Variants in ANKMY1 observed in about 807,000 individuals in gnomAD.
ANKMY1 encodes the protein ankyrin repeat and MYND domain containing 1.
A neutral mutation model predicts 102.0 loss-of-function variants in ANKMY1; 98 were observed. The observed-to-expected ratio is 0.96, with a 90% CI of 0.82 to 1.14. The LOEUF (loss-of-function observed/expected upper bound fraction) is 1.14. Among genes scored for constraint, ANKMY1 ranks in the 50% most tolerant of loss-of-function variants. The probability of loss-of-function intolerance (pLI) is 0.00; values close to 1 mark genes in which losing one functional copy is unlikely to be tolerated. For synonymous variants in ANKMY1, 582 were observed against 559.9 expected (o/e 1.04, Z -0.56); for missense variants, 1,330 against 1,347.6 (o/e 0.99, Z 0.20).
rs1312024529 is a variant in ANKMY1, at chr2:240,539,133, T to C, written c.481-9624A>G. Among the ~76,000 whole-genome samples, 4 of 152,140 alleles carry C rather than the reference T, an allele frequency of 2.6e-5. No homozygotes were observed. The East Asian group carries it at 5.8e-4, about 22-fold the overall frequency. ...AACCCACTGGGGTCCCCTTCCACAC[T>C]GTGAAAGCTTTGTTCTTTCGCTCTT... is the stretch of plus-strand genomic sequence containing the variant. On this transcript the variant is annotated intron_variant, in intron 4 of 17. Transcript: ENST00000401804.
intron 15 of ANKMY1, among the ~76,000 whole-genome samples, chr2:240,483,017 C>T (rs2075608919): frequency 6.6e-6 from 1 of 152,176 alleles, no homozygotes. Context: ...AACTGATGAT[C>T]CTTTTATCAT....
intron 4 of ANKMY1, among the ~76,000 whole-genome samples, chr2:240,534,812 T>C (rs80053202): frequency 6.6e-6 from 1 of 151,292 alleles, no homozygotes; most frequent in Non-Finnish European, 1.5e-5. Context: ...GCATATCGGA[T>C]TTAGACAAGA....
Position 240,557,371 on chromosome 2 carries a change from C to T in ANKMY1, c.-17-19G>A, listed in dbSNP as rs1476590276. 1 of 1,456,598 alleles carries T rather than the reference C, an allele frequency of 6.9e-7. No homozygotes were observed. Among genetic ancestry groups the T allele is most frequent in the Admixed American group, 2.4e-5 (1 of 41,638 alleles). 90.2% of individuals were successfully genotyped at this position (1,456,598 alleles called of 1,614,324 possible). Reference sequence around the variant, plus strand: ...TTCCAACCTGCAAGCGACGTCAGGACCGCACATGTGCCCCCAGGGCTCCCG... The same window carrying T: ...TTCCAACCTGCAAGCGACGTCAGGATCGCACATGTGCCCCCAGGGCTCCCG... On this transcript the variant is annotated intron_variant, in intron 1 of 17. Coordinates refer to ENST00000401804, the MANE Select transcript of ANKMY1 (RefSeq NM_001282771.3).
intron 12 of ANKMY1, 37 bp from the exon 13 acceptor site, chr2:240,507,728 T>A (rs745523073): frequency 2.4e-5 from 38 of 1,558,626 alleles, no homozygotes; most frequent in Non-Finnish European, 3.2e-5. Context: ...GTGGCCACCA[T>A]GTCACTTCCC....
At chr2:240,557,161 G>A in intron 2 of ANKMY1, 29 bp downstream of exon 2, 3 of 1,437,022 alleles carry the variant, frequency 2.1e-6, no homozygotes, top group African/African-American at 2.9e-5. Flanking sequence ...GGTCAGGGTC[G>A]GACCTCCCCG....
At chr2:240,548,496 G>A (rs1255544363) in intron 4 of ANKMY1, among the ~76,000 whole-genome samples, 1 of 152,040 alleles carries the variant, frequency 6.6e-6, no homozygotes, top group East Asian at 1.9e-4. Flanking sequence ...TCAACATAGT[G>A]TTGGAAGTTC....
chr2:240,516,872 C>G (rs188733919), intron 9 of ANKMY1, among the ~76,000 whole-genome samples: 20 of 152,272 alleles, frequency 1.3e-4, no homozygotes, highest in Admixed American at 1.2e-3. Context: ...ACTGAGGTAA[C>G]GGAGGACCGA....
At chr2:240,526,106 ACAAT>A (rs1256478171) in intron 6 of ANKMY1, 119 bp downstream of exon 6, 3 of 1,225,804 alleles carry the variant, frequency 2.4e-6, no homozygotes, top group South Asian at 2.7e-5. Flanking sequence ...GGAGGTGTGG[ACAAT>A]CAGTGTCCCC....
chr2:240,552,422 C>A (rs545147279), intron 4 of ANKMY1, among the ~76,000 whole-genome samples: 16 of 152,248 alleles, frequency 1.1e-4, no homozygotes, highest in South Asian at 2.1e-4. Context: ...TTACAAAGGC[C>A]ATGGCAATAT....
At chr2:240,505,868 A>G (rs2078985695) in intron 13 of ANKMY1, among the ~76,000 whole-genome samples, 1 of 152,202 alleles carries the variant, frequency 6.6e-6, no homozygotes, top group Non-Finnish European at 1.5e-5. Context: ...GGCCAGGATC[A>G]CAGCAAAGGA....
In ANKMY1 at chr2:240,509,365, C is replaced by T. The variant is rs1172019934; in HGVS notation, c.2377G>A (p.Ala793Thr). 4 of 1,613,162 alleles carry T rather than the reference C, an allele frequency of 2.5e-6. No homozygotes were observed. The highest frequency in any genetic ancestry group is 2.5e-6 in the Non-Finnish European group (3 of 1,179,538). Reference sequence around the variant, plus strand: ...ATGCTCACCAGCTCATTCCCACTGGCAATGGACAGGGAGAGCGGGGAGTGG... The same window carrying T: ...ATGCTCACCAGCTCATTCCCACTGGTAATGGACAGGGAGAGCGGGGAGTGG... ...SGHSPLSLSIASGNELVVKEL... is the reference protein window; with the variant it reads ...SGHSPLSLSITSGNELVVKEL... The change falls in exon 12 of 18, where the codon GCC becomes ACC. Residue 793 changes from alanine (A) to threonine (T), a missense_variant. Physicochemically the swap from Ala to Thr is moderately conservative, Grantham distance 58. Transcript: ENST00000401804.
intron 4 of ANKMY1, among the ~76,000 whole-genome samples, chr2:240,536,988 G>A (rs1044301117): frequency 6.6e-6 from 1 of 152,016 alleles, no homozygotes; most frequent in Non-Finnish European, 1.5e-5. Context: ...GCCTCCCAAA[G>A]TGCTGGGATC....
At chr2:240,561,008 C>CCGCTCGGCCGCCGT (rs750977042), upstream of ANKMY1, 2 of 1,536,144 alleles carry the variant, frequency 1.3e-6, no homozygotes, top group Non-Finnish European at 1.7e-6. Flanking sequence ...ACGGCCGCAG[C>CCGCTCGGCCGCCGT]CGCTCGGCCG....
At chr2:240,494,542 G>A (rs1238719122) in intron 15 of ANKMY1, among the ~76,000 whole-genome samples, 4 of 152,192 alleles carry the variant, frequency 2.6e-5, no homozygotes, top group Admixed American at 6.5e-5. Context: ...AGCAGTGACA[G>A]CTTGAGTTTC....
At chr2:240,526,121 A>G in intron 6 of ANKMY1, 108 bp downstream of exon 6, 5 of 1,340,600 alleles carry the variant, frequency 3.7e-6, no homozygotes, top group Non-Finnish European at 5.3e-6. Context: ...CAGTGTCCCC[A>G]TGTACCTCAG....
intron 6 of ANKMY1, 72 bp downstream of exon 6, chr2:240,526,157 G>T (rs2083346579): frequency 6.4e-7 from 1 of 1,568,980 alleles, no homozygotes; most frequent in Admixed American, 1.7e-5. Context: ...GGGGGCCACA[G>T]AGGGCCACCC....
At chr2:240,513,780 C>T (rs569813708) in intron 9 of ANKMY1, among the ~76,000 whole-genome samples, 3 of 152,364 alleles carry the variant, frequency 2.0e-5, no homozygotes, top group African/African-American at 7.2e-5. Context: ...TGACAGCAGC[C>T]CCTGCGACCT....
intron 8 of ANKMY1, chr2:240,521,789 C>T (rs2082332517): frequency 6.6e-6 from 1 of 152,424 alleles, no homozygotes; most frequent in Non-Finnish European, 1.5e-5. Flanking sequence ...TGAGCCACTG[C>T]GCCTGGCCCC....
At chr2:240,540,972 T>A (rs887212287) in intron 4 of ANKMY1, among the ~76,000 whole-genome samples, 1 of 152,222 alleles carries the variant, frequency 6.6e-6, no homozygotes, top group Non-Finnish European at 1.5e-5. Flanking sequence ...ATTTGACATC[T>A]GCATCAAGAT....
Sources: allele counts gnomAD v4.1 joint callset (sites outside exome capture counted in the v4.1 genomes callset), GRCh38; gene constraint gnomAD v4.1.1; transcripts MANE v1.5; gene names NCBI Gene and HGNC (gene_info 2026-07-23, HGNC 2026-07-21).